The following RBMS3 variants were observed in gnomAD, a reference collection of about 807,000 sequenced individuals.
The protein encoded by RBMS3 is RNA-binding motif, single-stranded-interacting protein 3.
RBMS3 carries 27 observed loss-of-function variants against 66.8 expected under a neutral mutation model. The ratio of observed to expected loss-of-function variants is 0.40; its 90% CI spans 0.30 to 0.56. The LOEUF is 0.56. RBMS3 is among the 20% of genes least tolerant of loss of function. RBMS3 has a pLI of 0.40. For missense variants in RBMS3, 513 were observed against 549.5 expected (o/e 0.93, Z 0.66); for synonymous variants, 188 against 183.0 (o/e 1.03, Z -0.22).
intron 6 of RBMS3, among the ~76,000 whole-genome samples, chr3:29,835,112 A>G (rs751315575): frequency 6.6e-6 from 1 of 152,112 alleles, no homozygotes; most frequent in Non-Finnish European, 1.5e-5. Context: ...ATATGCACCC[A>G]CTATTAAAGC....
At chr3:29,612,831 C>G (rs1044735206) in intron 4 of RBMS3, among the ~76,000 whole-genome samples, 19 of 152,112 alleles carry the variant, frequency 1.2e-4, no homozygotes, top group African/African-American at 4.6e-4. Flanking sequence ...TCCAAACATA[C>G]AACTTCATTA....
intron 1 of RBMS3, among the ~76,000 whole-genome samples, chr3:29,382,543 G>T (rs961968705): frequency 1.3e-5 from 2 of 152,090 alleles, no homozygotes; most frequent in East Asian, 1.9e-4. Context: ...CCATGAAAAC[G>T]AATGCTCTGA....
intron 6 of RBMS3, among the ~76,000 whole-genome samples, chr3:29,833,530 G>A (rs1473626052): frequency 1.3e-5 from 2 of 152,112 alleles, no homozygotes; most frequent in East Asian, 1.9e-4. Flanking sequence ...GCTGAAGAAT[G>A]CATGAATAAA....
rs747292809 is a variant in RBMS3, at chr3:29,739,913, T to C, written c.557+36T>C. Reference sequence around the variant, plus strand: ...TTCTTTGTATGTAATCGTTCTTTCCTCATTGTTCCTTTTAAATTCCATTCC... The same window carrying C: ...TTCTTTGTATGTAATCGTTCTTTCCCCATTGTTCCTTTTAAATTCCATTCC... On this transcript the variant is annotated intron_variant, in intron 5 of 14. Transcript: ENST00000383767. 21 of 1,424,556 alleles carry C rather than the reference T, an allele frequency of 1.5e-5. No homozygotes were observed. In the Middle Eastern group the frequency reaches 1.1e-3, roughly 77 times the overall value. 88.2% of individuals were successfully genotyped at this position (1,424,556 alleles called of 1,614,324 possible). A position where few individuals can be genotyped will look rare whatever the true frequency, so the allele number is the denominator to read the frequency against.
intron 3 of RBMS3, among the ~76,000 whole-genome samples, chr3:29,530,368 A>G (rs574232441): frequency 1.3e-5 from 2 of 152,226 alleles, no homozygotes; most frequent in Non-Finnish European, 2.9e-5. Flanking sequence ...GGATATGTGG[A>G]AGTAATAGCT....
At chr3:29,754,836 CA>C (rs2055334246) in intron 5 of RBMS3, among the ~76,000 whole-genome samples, 1 of 152,160 alleles carries the variant, frequency 6.6e-6, no homozygotes, top group African/African-American at 2.4e-5. Flanking sequence ...CTTTGTGTCA[CA>C]AATGCTAGGA....
At chr3:29,467,451 GT>G (rs2042581963) in intron 2 of RBMS3, among the ~76,000 whole-genome samples, 1 of 152,120 alleles carries the variant, frequency 6.6e-6, no homozygotes, top group African/African-American at 2.4e-5. Flanking sequence ...ATGAAGCTGT[GT>G]TTCAGACAGT....
intron 6 of RBMS3, among the ~76,000 whole-genome samples, chr3:29,771,988 A>T (rs1043951510): frequency 6.6e-6 from 1 of 152,022 alleles, no homozygotes; most frequent in African/African-American, 2.4e-5. Context: ...ACACAAATCC[A>T]ATCCATTCCC....
intron 1 of RBMS3, among the ~76,000 whole-genome samples, chr3:29,380,144 A>G (rs1484783403): frequency 1.3e-5 from 2 of 152,030 alleles, no homozygotes; most frequent in African/African-American, 4.8e-5. Context: ...CTATTATTCA[A>G]GGTCTTTCAG....
chr3:29,745,153 G>A (rs1449681661), intron 5 of RBMS3, among the ~76,000 whole-genome samples: 1 of 152,142 alleles, frequency 6.6e-6, no homozygotes, highest in East Asian at 1.9e-4. Context: ...TGCCAGTGGG[G>A]CGCACAGACA....
intron 1 of RBMS3, among the ~76,000 whole-genome samples, chr3:29,366,502 T>C (rs2037911574): frequency 6.6e-6 from 1 of 152,144 alleles, no homozygotes. Context: ...CCACCTCAGC[T>C]CCTGAGTAGC....
chr3:29,324,064 G>A (rs571399391), intron 1 of RBMS3, among the ~76,000 whole-genome samples: 1 of 149,280 alleles, frequency 6.7e-6, no homozygotes, highest in Admixed American at 6.7e-5. Context: ...TTTTTATTTT[G>A]TTTTTATTTT....
At chr3:29,356,968 G>T (rs1295229211) in intron 1 of RBMS3, among the ~76,000 whole-genome samples, 3 of 152,072 alleles carry the variant, frequency 2.0e-5, no homozygotes, top group African/African-American at 7.2e-5. Flanking sequence ...TATTATCCAT[G>T]CATGATTACA....
intron 6 of RBMS3, among the ~76,000 whole-genome samples, chr3:29,857,477 T>A (rs867071489): frequency 1.5e-4 from 23 of 151,822 alleles, no homozygotes; most frequent in Admixed American, 7.2e-4. Context: ...GAATTCTTTC[T>A]TGTTATTACT....
intron 6 of RBMS3, among the ~76,000 whole-genome samples, chr3:29,769,842 T>C (rs2056120414): frequency 6.6e-6 from 1 of 151,884 alleles, no homozygotes; most frequent in South Asian, 2.1e-4. Context: ...GCAACCAATT[T>C]GGGGGAAAAC....
intron 4 of RBMS3, among the ~76,000 whole-genome samples, chr3:29,665,535 C>A (rs144321329): frequency 6.6e-6 from 1 of 152,080 alleles, no homozygotes; most frequent in Non-Finnish European, 1.5e-5. Context: ...TGTCAGGAAT[C>A]GTGTCACGAA....
intron 6 of RBMS3, among the ~76,000 whole-genome samples, chr3:29,859,965 A>G (rs1226174882): frequency 7.2e-5 from 11 of 152,192 alleles, no homozygotes; most frequent in Non-Finnish European, 8.8e-5. Context: ...GTGGAAAAGA[A>G]AGTGGACGTT....
At chr3:29,675,044 A>T (rs1228178860) in intron 4 of RBMS3, among the ~76,000 whole-genome samples, 14 of 152,176 alleles carry the variant, frequency 9.2e-5, no homozygotes, top group Middle Eastern at 3.2e-3. Flanking sequence ...TGGTACTGGT[A>T]CCAAAACAGC....
chr3:29,700,037 T>C (rs990817284), intron 4 of RBMS3, among the ~76,000 whole-genome samples: 1 of 152,232 alleles, frequency 6.6e-6, no homozygotes, highest in Admixed American at 6.5e-5. Context: ...CTAGTAGTTA[T>C]ATTTATTGAA....
Sources: gnomAD v4.1 joint callset for allele counts (sites outside exome capture counted in the v4.1 genomes callset) on GRCh38, gnomAD v4.1.1 for gene constraint, MANE v1.5 for transcripts, NCBI Gene and HGNC (gene_info 2026-07-23, HGNC 2026-07-21) for gene names.